KLF12: variants seen among roughly 807,000 people sequenced by gnomAD.
The protein encoded by KLF12 is KLF transcription factor 12.
In KLF12, 9 loss-of-function variants were observed where a neutral mutation model predicts 37.8. The observed-to-expected ratio is 0.24, with a 90% CI of 0.14 to 0.42. The LOEUF (loss-of-function observed/expected upper bound fraction) is 0.42, where lower values mean the gene tolerates loss of function less well. Among genes scored for constraint, KLF12 ranks in the 10% least tolerant of loss-of-function variants. The pLI is 1.00. For synonymous variants in KLF12, 208 were observed against 202.1 expected, an observed-to-expected ratio of 1.03 and a Z score of -0.25; for missense variants, 411 against 516.0, an observed-to-expected ratio of 0.80 and a Z score of 1.97.
chr13:73,878,689 G>A (rs1258948603), intron 3 of KLF12, among the ~76,000 whole-genome samples: 1 of 149,296 alleles, frequency 6.7e-6, no homozygotes, highest in East Asian at 2.0e-4. Flanking sequence ...TGCCATGGGA[G>A]GAGGTGCTAC....
chr13:74,204,010 C>T, the KLF12 span, among the ~76,000 whole-genome samples: 1 of 152,146 alleles, frequency 6.6e-6, no homozygotes, highest in African/African-American at 2.4e-5. Flanking sequence ...AAGCTAGAAA[C>T]TCCACAAAAG....
At chr13:73,990,347 T>C (rs961697572) in intron 2 of KLF12, among the ~76,000 whole-genome samples, 7 of 152,070 alleles carry the variant, frequency 4.6e-5, no homozygotes, top group Admixed American at 3.3e-4. Flanking sequence ...GTTCCTGAAC[T>C]TTCAGGTTTA....
chr13:74,032,308 A>G (rs1893135139), intron 1 of KLF12, among the ~76,000 whole-genome samples: 1 of 152,102 alleles, frequency 6.6e-6, no homozygotes, highest in Non-Finnish European at 1.5e-5. Flanking sequence ...GCCTTCAAAT[A>G]CTTTCTTATA....
intron 1 of KLF12, among the ~76,000 whole-genome samples, chr13:74,041,691 T>TACACACACACAC (rs59315484): frequency 5.6e-5 from 8 of 142,270 alleles, no homozygotes; most frequent in African/African-American, 7.9e-5. Flanking sequence ...ATCGCTGATT[T>TACACACACACAC]ACACACACAC....
chr13:74,135,044 G>C (rs957202017), upstream of KLF12, among the ~76,000 whole-genome samples: 1 of 151,414 alleles, frequency 6.6e-6, no homozygotes, highest in Non-Finnish European at 1.5e-5. Flanking sequence ...CGCGGGCGGT[G>C]CCCCCCGCGC....
Position 73,692,132 on chromosome 13 carries a change from G to T in KLF12, c.*3358C>A, listed in dbSNP as rs1873860235. 1 of 152,276 alleles carries T rather than the reference G, an allele frequency of 6.6e-6. No homozygotes were observed. Among genetic ancestry groups the T allele is most frequent in the Non-Finnish European group, 1.5e-5 (1 of 68,024 alleles). The allele number at this position is 152,276 out of a possible 1,614,324, so 9.4% of individuals were successfully genotyped here. On this transcript the variant is annotated 3_prime_UTR_variant, in exon 8 of 8. Transcript: ENST00000377669. ...CGCCAGGCAGAAGTATAATCTTTATGGTGAAGTCATTAGAAATCTCAGTCT... is the reference window on the plus strand; with the variant it reads ...CGCCAGGCAGAAGTATAATCTTTATTGTGAAGTCATTAGAAATCTCAGTCT...
At chr13:73,890,796 A>C (rs1346513540) in intron 3 of KLF12, among the ~76,000 whole-genome samples, 3 of 152,014 alleles carry the variant, frequency 2.0e-5, no homozygotes, top group Admixed American at 2.0e-4. Flanking sequence ...AAGGAAAGTA[A>C]ATTTGAAACG....
the KLF12 span, among the ~76,000 whole-genome samples, chr13:74,260,918 A>C: frequency 6.6e-6 from 1 of 152,192 alleles, no homozygotes; most frequent in Non-Finnish European, 1.5e-5. Flanking sequence ...AAATGAAAAA[A>C]GCAAACTAAA....
At chr13:73,718,623 T>G (rs551307304) in intron 6 of KLF12, among the ~76,000 whole-genome samples, 45 of 152,336 alleles carry the variant, frequency 3.0e-4, no homozygotes, top group Admixed American at 2.5e-3. Flanking sequence ...CTGGACGTGG[T>G]GGCTCACACC....
At chr13:73,891,202 G>A (rs1285563489) in intron 3 of KLF12, among the ~76,000 whole-genome samples, 1 of 152,062 alleles carries the variant, frequency 6.6e-6, no homozygotes, top group Non-Finnish European at 1.5e-5. Context: ...TTTTTCATGA[G>A]TATGGGTAAG....
chr13:74,059,028 G>A (rs576371147), intron 1 of KLF12, among the ~76,000 whole-genome samples: 3 of 152,274 alleles, frequency 2.0e-5, no homozygotes, highest in Admixed American at 2.0e-4. Context: ...CCACTTATAA[G>A]AACATGCAGT....
At chr13:74,284,242 T>TA in the KLF12 span, among the ~76,000 whole-genome samples, 1 of 152,100 alleles carries the variant, frequency 6.6e-6, no homozygotes, top group African/African-American at 2.4e-5. Context: ...GACCCACCCT[T>TA]AATGCCCTCA....
chr13:73,864,966 T>C (rs969857676), intron 3 of KLF12, among the ~76,000 whole-genome samples: 2 of 152,056 alleles, frequency 1.3e-5, no homozygotes, highest in Non-Finnish European at 2.9e-5. Context: ...ATTGTCCAAG[T>C]ACAGGTATAA....
chr13:73,891,304 A>C (rs1014177865), intron 3 of KLF12, among the ~76,000 whole-genome samples: 3 of 152,138 alleles, frequency 2.0e-5, no homozygotes, highest in Non-Finnish European at 2.9e-5. Context: ...CATATTTTAG[A>C]AAATGTAGAT....
intron 7 of KLF12, among the ~76,000 whole-genome samples, chr13:73,706,561 C>T (rs527471537): frequency 6.6e-6 from 1 of 152,298 alleles, no homozygotes; most frequent in Non-Finnish European, 1.5e-5. Flanking sequence ...ATAAGTGCTA[C>T]ACCTGCAAAA....
the KLF12 span, among the ~76,000 whole-genome samples, chr13:74,220,427 T>C: frequency 6.6e-6 from 1 of 152,242 alleles, no homozygotes; most frequent in Non-Finnish European, 1.5e-5. Flanking sequence ...GTAAAAATTG[T>C]ATATATTTAT....
intron 3 of KLF12, among the ~76,000 whole-genome samples, chr13:73,938,251 C>T (rs1440228021): frequency 1.3e-5 from 2 of 152,038 alleles, no homozygotes; most frequent in East Asian, 1.9e-4. Context: ...TACACTAGAT[C>T]GTTAGTGTAA....
At chr13:74,277,595 A>G in the KLF12 span, among the ~76,000 whole-genome samples, 1 of 152,224 alleles carries the variant, frequency 6.6e-6, no homozygotes, top group African/African-American at 2.4e-5. Context: ...GGAAATAAAC[A>G]TGGCTCAGGG....
intron 1 of KLF12, among the ~76,000 whole-genome samples, chr13:74,117,467 A>C (rs1877376324): frequency 1.3e-5 from 2 of 152,348 alleles, no homozygotes; most frequent in South Asian, 4.1e-4. Flanking sequence ...CCATGCCAAT[A>C]TAAATTTAAA....
Sources: allele counts gnomAD v4.1 joint callset (sites outside exome capture counted in the v4.1 genomes callset), GRCh38; gene constraint gnomAD v4.1.1; transcripts MANE v1.5; gene names NCBI Gene and HGNC (gene_info 2026-07-23, HGNC 2026-07-21).